Variants in APPL2 observed in about 807,000 individuals in gnomAD.
The protein encoded by APPL2 is adaptor protein, phosphotyrosine interacting with PH domain and leucine zipper 2.
In APPL2, 84 loss-of-function variants were observed where a neutral mutation model predicts 92.7. The ratio of observed to expected loss-of-function variants is 0.91; its 90% CI spans 0.76 to 1.09. APPL2 has a LOEUF of 1.09. Ranked by LOEUF, APPL2 falls within the 50% of genes least tolerant of loss-of-function variation. The pLI is 0.00. For synonymous variants in APPL2, 291 were observed against 291.0 expected, an observed-to-expected ratio of 1.00 and a Z score of 0.00; for missense variants, 736 against 824.5, an observed-to-expected ratio of 0.89 and a Z score of 1.31.
intron 17 of APPL2, among the ~76,000 whole-genome samples, chr12:105,183,974 C>G (rs1002259008): frequency 1.3e-5 from 2 of 152,172 alleles, no homozygotes; most frequent in African/African-American, 4.8e-5. Flanking sequence ...TCTTTTTTCT[C>G]TAATCTTGTC....
At chr12:105,233,508 CA>C in intron 1 of APPL2, 1 of 580,076 alleles carries the variant, frequency 1.7e-6, no homozygotes, top group Non-Finnish European at 2.2e-6. Context: ...AGTTCAATTA[CA>C]AAAGCTTTGG....
At chr12:105,233,027 A>G (rs1283093469) in intron 1 of APPL2, 1 of 920,776 alleles carries the variant, frequency 1.1e-6, no homozygotes, top group Non-Finnish European at 1.3e-6. Context: ...GAAACAAACA[A>G]AACACAAACC....
chr12:105,229,614 G>C, intron 1 of APPL2: 1 of 999,818 alleles, frequency 1.0e-6, no homozygotes, highest in African/African-American at 1.7e-5. Context: ...CACAGGTCAG[G>C]CCTATCTGTG....
At position 105,177,278 on chromosome 12, in the gene APPL2, A is replaced by C; in HGVS notation, c.1635-16T>G. ...ATCTATCAACCTGAAATTTTAAAAG[A>C]TACATTATGTCACAAATGTTGGATA... On this transcript the variant is annotated splice_polypyrimidine_tract_variant and intron_variant, in intron 17 of 20. Coordinates refer to ENST00000258530, the MANE Select transcript of APPL2 (RefSeq NM_018171.5). The C allele has an allele frequency of 6.2e-7, 1 of 1,610,748 alleles. No homozygotes were observed. Among genetic ancestry groups the C allele is most frequent in the Non-Finnish European group, 8.5e-7 (1 of 1,176,944 alleles).
chr12:105,177,222 TTACA>T lies in APPL2; in HGVS notation c.1671_1671+3del. 6.2e-7 allele frequency: 1 copy of T among 1,613,876 alleles called. No individual in the cohort carries two copies. Among genetic ancestry groups the T allele is most frequent in the South Asian group, 1.1e-5 (1 of 91,072 alleles). Reference sequence around the variant, plus strand: ...ACTAACATGAACCTGTATGCGGTACTTACATTGGCCCTTGATACTTGAGTCTGTG... The same window carrying T: ...ACTAACATGAACCTGTATGCGGTACTTTGGCCCTTGATACTTGAGTCTGTG... On this transcript the variant is annotated splice_donor_variant and splice_donor_region_variant and coding_sequence_variant and intron_variant, in exon 18 of 21. Transcript: ENST00000258530. LOFTEE classifies it high-confidence loss of function.
At position 105,229,153 on chromosome 12, in the gene APPL2, T is replaced by G. The variant is rs746954282; in HGVS notation, c.125A>C (p.Gln42Pro). The change falls in exon 2 of 21, where the codon CAG becomes CCG. Residue 42 changes from glutamine to proline, a missense_variant. Gln to Pro is a moderately conservative substitution (Grantham distance 76). Coordinates refer to ENST00000258530, the MANE Select transcript of APPL2 (RefSeq NM_018171.5). ...GGCTCCATAGACGCGCTGCATTGCCTGGAGCAGCTGGTTGGTATAGTCTGT... is the reference window on the plus strand; with the variant it reads ...GGCTCCATAGACGCGCTGCATTGCCGGGAGCAGCTGGTTGGTATAGTCTGT... ...TLTDYTNQLL[Q>P]AMQRVYGAQN... 1.2e-6 allele frequency: 2 copies of G among 1,613,124 alleles called. No homozygotes were observed. The highest frequency in any genetic ancestry group is 3.3e-5 in the Admixed American group (2 of 59,998).
At position 105,203,785 on chromosome 12, in the gene APPL2, T is replaced by C. The variant is rs755287404; in HGVS notation, c.622A>G (p.Ile208Val). Residue 208 changes from isoleucine to valine, a missense_variant and splice_region_variant, in exon 9 of 21, where the codon ATT (isoleucine) becomes GTT (valine). Transcript: ENST00000258530. ...TCTGCTCCCTTCTTAAAAAAGTTAA[T>C]CTGAAAGATATAATTATAATATTCT... The part of the protein sequence containing the change: ...EPMIGFAHGQ[I>V]NFFKKGAEMF... The C allele has an allele frequency of 6.2e-7, 1 of 1,609,282 alleles. No individual in the cohort carries two copies. Among genetic ancestry groups the C allele is most frequent in the Admixed American group, 1.7e-5 (1 of 60,028 alleles).
chr12:105,175,942 G>A (rs1885497481), intron 20 of APPL2, 93 bp downstream of exon 20: 2 of 1,276,120 alleles, frequency 1.6e-6, no homozygotes, highest in African/African-American at 1.6e-5. Flanking sequence ...ACACTTTCCA[G>A]TGAACATCAC....
At position 105,200,842 on chromosome 12, in the gene APPL2, A is replaced by ATGTG. The variant is rs1239511384; in HGVS notation, c.705-1312_705-1311insCACA. On this transcript the variant is annotated intron_variant, in intron 9 of 20. Transcript: ENST00000258530. ...TCCCCCACTCTCTACGTATGTATGT[A>ATGTG]TGTATGTATGTATGTATGTATGTAT... Among the ~76,000 whole-genome samples, 44 of 77,416 alleles carry ATGTG rather than the reference A, an allele frequency of 5.7e-4. 1 individual carries two copies. Among genetic ancestry groups the ATGTG allele is most frequent in the Admixed American group, 2.3e-3 (17 of 7,480 alleles). The allele number at this position is 77,416 out of a possible 152,430, so 50.8% of individuals were successfully genotyped here.
At chr12:105,216,925 G>C in intron 4 of APPL2, 144 bp downstream of exon 4, 7 of 605,980 alleles carry the variant, frequency 1.2e-5, no homozygotes, top group Non-Finnish European at 2.0e-5. Flanking sequence ...ACCTCTCCTA[G>C]GAAAGGAGCT....
chr12:105,208,469 G>A (rs1888943151), intron 5 of APPL2, among the ~76,000 whole-genome samples: 1 of 152,196 alleles, frequency 6.6e-6, no homozygotes, highest in African/African-American at 2.4e-5. Context: ...GAGAGGGCAC[G>A]CCGGGGAGGT....
At chr12:105,178,641 T>C (rs756609340) in intron 17 of APPL2, among the ~76,000 whole-genome samples, 1 of 152,198 alleles carries the variant, frequency 6.6e-6, no homozygotes, top group Non-Finnish European at 1.5e-5. Context: ...GATTGAGTTC[T>C]ACCCTGGCTA....
intron 17 of APPL2, among the ~76,000 whole-genome samples, chr12:105,186,616 CATATATATATCATATATATCAT>C (rs1886633904): frequency 5.7e-5 from 3 of 52,192 alleles, no homozygotes; most frequent in Non-Finnish European, 8.0e-5. Context: ...ATATATATAT[CATATATATATCATATATATCAT>C]ATATATGATA....
chr12:105,235,922 C>T (rs1171219909), intron 1 of APPL2, 37 bp downstream of exon 1: 6 of 1,234,112 alleles, frequency 4.9e-6, no homozygotes, highest in Middle Eastern at 2.7e-4. Context: ...TCGGCCTCAC[C>T]CCTGCGGGCG....
chr12:105,178,957 T>C (rs1266627203), intron 17 of APPL2, among the ~76,000 whole-genome samples: 1 of 152,172 alleles, frequency 6.6e-6, no homozygotes, highest in African/African-American at 2.4e-5. Flanking sequence ...TTTCAGAAGT[T>C]TGCTGTTTAA....
rs749454008 is a variant in APPL2, at chr12:105,199,431, C to T, written c.805G>A (p.Ala269Thr). 5.6e-6 allele frequency: 9 copies of T among 1,614,082 alleles called. No individual in the cohort carries two copies. In the African/African-American group the frequency reaches 1.1e-4, roughly 19 times the overall value. ...AGGTTCCTGTTGATCTGTGGTGCGG[C>T]CACATCAGAGTCTGGAGTGTAAACA... ...ESVYTPDSDV[A>T]APQINRNLIQ... The change falls in exon 10 of 21, where the codon GCC becomes ACC. Residue 269 changes from alanine to threonine, a missense_variant. Physicochemically the swap from Ala to Thr is moderately conservative, Grantham distance 58. Coordinates refer to ENST00000258530, the MANE Select transcript of APPL2 (RefSeq NM_018171.5).
At chr12:105,195,897 A>T (rs540342354) in intron 11 of APPL2, among the ~76,000 whole-genome samples, 1 of 152,044 alleles carries the variant, frequency 6.6e-6, no homozygotes, top group Non-Finnish European at 1.5e-5. Context: ...TCTACAAAAA[A>T]TACAAAAATT....
intron 4 of APPL2, among the ~76,000 whole-genome samples, chr12:105,212,271 C>T (rs979187991): frequency 1.6e-4 from 25 of 152,192 alleles, no homozygotes; most frequent in Non-Finnish European, 2.9e-5. Flanking sequence ...ACTCTTTCTC[C>T]CCTTCTACCT....
intron 20 of APPL2, among the ~76,000 whole-genome samples, chr12:105,175,657 T>C (rs1335537150): frequency 6.6e-6 from 1 of 152,216 alleles, no homozygotes; most frequent in Non-Finnish European, 1.5e-5. Flanking sequence ...AGAATCCTCA[T>C]TTCTTAAAAG....
Sources: allele counts gnomAD v4.1 joint callset (sites outside exome capture counted in the v4.1 genomes callset), GRCh38; gene constraint gnomAD v4.1.1; transcripts MANE v1.5; gene names NCBI Gene and HGNC (gene_info 2026-07-23, HGNC 2026-07-21).